Variants in SLC35F3 observed in about 807,000 individuals in gnomAD.
SLC35F3 encodes the protein putative thiamine transporter SLC35F3.
A neutral mutation model predicts 49.9 loss-of-function variants in SLC35F3; 25 were observed. The observed-to-expected ratio is 0.50, with a 90% CI of 0.37 to 0.70. SLC35F3 has a LOEUF of 0.70. Ranked by LOEUF, SLC35F3 falls within the 30% of genes least tolerant of loss-of-function variation. SLC35F3 has a pLI of 0.00. For missense variants in SLC35F3, 525 were observed against 639.8 expected (o/e 0.82, Z 1.94); for synonymous variants, 275 against 265.4 (o/e 1.04, Z -0.35).
intron 2 of SLC35F3, among the ~76,000 whole-genome samples, chr1:234,195,121 G>A (rs893054073): frequency 3.9e-5 from 6 of 152,190 alleles, no homozygotes; most frequent in African/African-American, 1.4e-4. Flanking sequence ...AAGCAAATCA[G>A]CAAGTGGAAA....
At position 234,231,566 on chromosome 1, in the gene SLC35F3, G is replaced by A; in HGVS notation, c.433G>A (p.Val145Met). Residue 145 changes from valine to methionine, a missense_variant, in exon 3 of 8, where the codon GTG becomes ATG. Around this residue, in one of 4 missense-constraint regions of SLC35F3, gnomAD observed 228 missense variants for 218.9 expected, o/e 1.04. Transcript: ENST00000366618. This position sits in a 1 kb window ranked among gnomAD's most constrained non-coding sequence, Gnocchi z 5.4. Reference protein sequence around the residue: ...IFWGVAVVLCVCSSWAGSTQL... With the variant: ...IFWGVAVVLCMCSSWAGSTQL... ...CTGGGGCGTGGCGGTCGTGCTGTGCGTGTGCTCCTCGTGGGCGGGCTCCAC... is the reference window on the plus strand; with the variant it reads ...CTGGGGCGTGGCGGTCGTGCTGTGCATGTGCTCCTCGTGGGCGGGCTCCAC... The A allele has an allele frequency of 6.2e-7, 1 of 1,614,180 alleles. No homozygotes were observed. Among genetic ancestry groups the A allele is most frequent in the Non-Finnish European group, 8.5e-7 (1 of 1,180,012 alleles).
chr1:233,974,976 A>G (rs1486147003), intron 2 of SLC35F3, among the ~76,000 whole-genome samples: 2 of 152,260 alleles, frequency 1.3e-5, no homozygotes, highest in African/African-American at 4.8e-5. Context: ...GAAGACATCA[A>G]GATAAGCTAT....
At chr1:234,112,063 A>G (rs1665414923) in intron 2 of SLC35F3, among the ~76,000 whole-genome samples, 2 of 152,186 alleles carry the variant, frequency 1.3e-5, no homozygotes, top group Admixed American at 6.5e-5. Flanking sequence ...TGCTTAGACC[A>G]GGTGCAGTGG....
chr1:234,107,557 G>A (rs1665302747), intron 2 of SLC35F3, among the ~76,000 whole-genome samples: 1 of 152,110 alleles, frequency 6.6e-6, no homozygotes, highest in Non-Finnish European at 1.5e-5. Context: ...AGAGCATCAT[G>A]ACTAGTTCAC....
intron 2 of SLC35F3, among the ~76,000 whole-genome samples, chr1:233,929,771 GA>G (rs1317811790): frequency 6.6e-6 from 1 of 152,176 alleles, no homozygotes; most frequent in Non-Finnish European, 1.5e-5. Context: ...AGAGGAAACA[GA>G]AGAGGCAACC....
chr1:234,113,024 T>G (rs1271764229), intron 2 of SLC35F3, among the ~76,000 whole-genome samples: 1 of 151,632 alleles, frequency 6.6e-6, no homozygotes, highest in Non-Finnish European at 1.5e-5. Context: ...GCCCAGGAGT[T>G]CGAGACCAGC....
At chr1:234,033,628 G>A (rs1359636097) in intron 2 of SLC35F3, among the ~76,000 whole-genome samples, 1 of 152,072 alleles carries the variant, frequency 6.6e-6, no homozygotes, top group Non-Finnish European at 1.5e-5. Flanking sequence ...TCCCCACTTG[G>A]TGTTTTTGTT....
chr1:234,227,036 T>A (rs515952), intron 2 of SLC35F3, among the ~76,000 whole-genome samples: 45,560 of 151,180 alleles, frequency 0.3, 12,485 homozygotes, highest in African/African-American at 0.74. Context: ...AACCCGCCTG[T>A]CCTCCAGCAT....
intron 3 of SLC35F3, among the ~76,000 whole-genome samples, chr1:234,261,441 G>T (rs1183241116): frequency 6.6e-6 from 1 of 152,206 alleles, no homozygotes; most frequent in African/African-American, 2.4e-5. Flanking sequence ...ACTTCTGGAT[G>T]TTGCCGTGGC....
At chr1:234,206,846 C>G (rs1284070319) in intron 2 of SLC35F3, among the ~76,000 whole-genome samples, 1 of 152,150 alleles carries the variant, frequency 6.6e-6, no homozygotes, top group Non-Finnish European at 1.5e-5. Flanking sequence ...CCTCATTGAA[C>G]AAGACCTTGC....
chr1:234,209,167 TG>T (rs1667015931), intron 2 of SLC35F3, among the ~76,000 whole-genome samples: 1 of 152,210 alleles, frequency 6.6e-6, no homozygotes, highest in African/African-American at 2.4e-5. Context: ...TCCTTTTGTC[TG>T]GATATTATTT....
intron 2 of SLC35F3, among the ~76,000 whole-genome samples, chr1:234,210,078 AGAGT>A (rs1667027744): frequency 6.6e-6 from 1 of 152,134 alleles, no homozygotes; most frequent in South Asian, 2.1e-4. Flanking sequence ...TGTTCTCATG[AGAGT>A]GAGTAAGTCT....
In SLC35F3 at chr1:233,987,701, A is replaced by C. The variant is rs551610726; in HGVS notation, c.283+81943A>C. The stretch of plus-strand genomic sequence containing the variant: ...ATTTGGGAATAATATTTATTTGCTC[A>C]TTCATTCCCTCCCATTTTCCCTCTT... On this transcript the variant is annotated intron_variant, in intron 2 of 7. Coordinates refer to ENST00000366618, the MANE Select transcript of SLC35F3 (RefSeq NM_173508.4). Among the ~76,000 whole-genome samples the C allele has an allele frequency of 1.1e-4, 16 of 152,120 alleles. No homozygotes were observed. The South Asian group carries it at 2.9e-3, about 28-fold the overall frequency.
chr1:234,009,360 A>G (rs1458853058), intron 2 of SLC35F3, among the ~76,000 whole-genome samples: 2 of 152,190 alleles, frequency 1.3e-5, no homozygotes, highest in Non-Finnish European at 2.9e-5. Context: ...ACTCAAGTTG[A>G]TTCAAGTGCA....
At position 234,073,291 on chromosome 1, in the gene SLC35F3, G is replaced by A. The variant is rs570911377; in HGVS notation, c.284-158126G>A. On this transcript the variant is annotated intron_variant, in intron 2 of 7. Coordinates refer to ENST00000366618, the MANE Select transcript of SLC35F3 (RefSeq NM_173508.4). ...CCCATGTATGTGGAACTATAGCCAT[G>A]AGCCACCAAGTCTGGCTAATTTAAA... Among the ~76,000 whole-genome samples, 78 of 152,122 alleles carry A rather than the reference G, an allele frequency of 5.1e-4. No homozygotes were observed. The South Asian group carries it at 0.013, about 26-fold the overall frequency.
intron 2 of SLC35F3, among the ~76,000 whole-genome samples, chr1:233,961,339 C>T (rs1662797309): frequency 6.6e-6 from 1 of 151,948 alleles, no homozygotes; most frequent in South Asian, 2.1e-4. Context: ...GATCTTGGGC[C>T]CCACCCAGAA....
chr1:233,943,336 A>G (rs1395015207), intron 2 of SLC35F3, among the ~76,000 whole-genome samples: 6 of 152,350 alleles, frequency 3.9e-5, no homozygotes, highest in African/African-American at 9.6e-5. Context: ...TTGTTCACAG[A>G]TATTTCCCTA....
At chr1:234,312,842 G>GT (rs982550999) in intron 4 of SLC35F3, among the ~76,000 whole-genome samples, 22 of 148,400 alleles carry the variant, frequency 1.5e-4, no homozygotes, top group African/African-American at 3.3e-4. Context: ...TTTGTTGTTT[G>GT]TTTTTTTTAG....
At chr1:234,255,891 C>T (rs1451221757) in intron 3 of SLC35F3, among the ~76,000 whole-genome samples, 1 of 152,062 alleles carries the variant, frequency 6.6e-6, no homozygotes, top group Non-Finnish European at 1.5e-5. Context: ...AAAAACAAAC[C>T]AAAAACCCTA....
Sources: gnomAD v4.1 joint callset for allele counts (sites outside exome capture counted in the v4.1 genomes callset) on GRCh38, gnomAD v4.1.1 for gene constraint, gnomAD v4.1.1 regional missense constraint, Gnocchi (gnomAD v3.1) non-coding constraint, MANE v1.5 for transcripts, NCBI Gene and HGNC (gene_info 2026-07-23, HGNC 2026-07-21) for gene names.